HHAT: variants seen among roughly 807,000 people sequenced by gnomAD.
HHAT encodes hedgehog acyltransferase, also known as protein-cysteine N-palmitoyltransferase HHAT.
A neutral mutation model predicts 70.8 loss-of-function variants in HHAT; 47 were observed. That is an observed-to-expected ratio of 0.66 (90% CI 0.53 to 0.85). The LOEUF (loss-of-function observed/expected upper bound fraction) is 0.85. Among genes scored for constraint, HHAT ranks in the 40% least tolerant of loss-of-function variants. The probability of loss-of-function intolerance (pLI) is 0.00; values close to 1 mark genes in which losing one functional copy is unlikely to be tolerated. For synonymous variants in HHAT, 228 were observed against 247.6 expected, an observed-to-expected ratio of 0.92 and a Z score of 0.74; for missense variants, 609 against 604.8, an observed-to-expected ratio of 1.01 and a Z score of -0.07.
intron 7 of HHAT, among the ~76,000 whole-genome samples, chr1:210,440,626 T>C (rs1349368634): frequency 6.6e-6 from 1 of 151,748 alleles, no homozygotes; most frequent in Non-Finnish European, 1.5e-5. Context: ...ATAATAGTGT[T>C]TTGTGGAATT....
intron 8 of HHAT, among the ~76,000 whole-genome samples, chr1:210,502,849 T>C (rs2094784899): frequency 6.6e-6 from 1 of 152,246 alleles, no homozygotes; most frequent in Non-Finnish European, 1.5e-5. Flanking sequence ...ATCATGGTCA[T>C]ATTAAGGCAC....
chr1:210,526,736 C>T (rs2095255223), intron 9 of HHAT, among the ~76,000 whole-genome samples: 1 of 152,118 alleles, frequency 6.6e-6, no homozygotes, highest in Non-Finnish European at 1.5e-5. Flanking sequence ...AGCAGCCTTG[C>T]TGTTTCTAAT....
upstream of HHAT, among the ~76,000 whole-genome samples, chr1:210,327,930 T>C (rs1446658857): frequency 1.3e-5 from 2 of 152,050 alleles, no homozygotes; most frequent in Non-Finnish European, 2.9e-5. Context: ...GGTGAGTGGG[T>C]TGGGGGGAAG....
chr1:210,516,540 A>G (rs2095060170), intron 9 of HHAT, among the ~76,000 whole-genome samples: 1 of 152,150 alleles, frequency 6.6e-6, no homozygotes, highest in Admixed American at 6.5e-5. Context: ...AGTGAGAGGG[A>G]TGGTACTTAA....
chr1:210,634,133 A>G (rs1236378944), intron 11 of HHAT, among the ~76,000 whole-genome samples: 1 of 152,210 alleles, frequency 6.6e-6, no homozygotes, highest in Non-Finnish European at 1.5e-5. Context: ...TCCTGGGGCC[A>G]GGGGCAATGT....
chr1:210,375,007 G>A (rs1359882475), intron 3 of HHAT, among the ~76,000 whole-genome samples: 1 of 152,204 alleles, frequency 6.6e-6, no homozygotes, highest in Non-Finnish European at 1.5e-5. Flanking sequence ...GCTCCCCAGT[G>A]GGGAATCTTC....
At chr1:210,523,139 C>T (rs1369307146) in intron 9 of HHAT, among the ~76,000 whole-genome samples, 3 of 152,108 alleles carry the variant, frequency 2.0e-5, no homozygotes, top group South Asian at 2.1e-4. Context: ...TGCTTCCCCT[C>T]CCTCCTCAGA....
chr1:210,541,737 CAAA>C (rs2095433126), intron 9 of HHAT, among the ~76,000 whole-genome samples: 1 of 151,952 alleles, frequency 6.6e-6, no homozygotes, highest in Non-Finnish European at 1.5e-5. Flanking sequence ...AAAAAACAAA[CAAA>C]AAACAAAACA....
chr1:210,329,158 T>A, intron 1 of HHAT, 54 bp downstream of exon 1: 1 of 1,261,816 alleles, frequency 7.9e-7, no homozygotes, highest in Non-Finnish European at 1.0e-6. Context: ...CTGAATTTTC[T>A]GCGTCAGTTT....
chr1:210,660,517 C>G (rs1194113999), intron 11 of HHAT, among the ~76,000 whole-genome samples: 1 of 152,150 alleles, frequency 6.6e-6, no homozygotes, highest in African/African-American at 2.4e-5. Flanking sequence ...TCAGTGCCAT[C>G]CCCATCAAGG....
intron 3 of HHAT, among the ~76,000 whole-genome samples, chr1:210,363,626 C>G (rs1013933413): frequency 6.6e-6 from 1 of 152,124 alleles, no homozygotes; most frequent in Non-Finnish European, 1.5e-5. Flanking sequence ...TTCTCAGGAC[C>G]CCATTTCAGC....
chr1:210,395,556 A>T (rs1449535171), intron 4 of HHAT, among the ~76,000 whole-genome samples: 2 of 152,180 alleles, frequency 1.3e-5, no homozygotes, highest in Admixed American at 1.3e-4. Flanking sequence ...GTGCCCCATC[A>T]GTTGTTAACT....
chr1:210,592,006 T>C (rs953263610), intron 10 of HHAT, among the ~76,000 whole-genome samples: 1 of 152,152 alleles, frequency 6.6e-6, no homozygotes. Flanking sequence ...GTTGATTGTT[T>C]CCTTTACTGT....
chr1:210,349,443 C>T (rs2086815009), intron 2 of HHAT, among the ~76,000 whole-genome samples: 1 of 152,036 alleles, frequency 6.6e-6, no homozygotes, highest in Admixed American at 6.6e-5. Flanking sequence ...TTTAGTGTTG[C>T]CTTTGTCTGA....
intron 11 of HHAT, among the ~76,000 whole-genome samples, chr1:210,633,978 T>TA (rs750137112): frequency 4.0e-5 from 6 of 151,768 alleles, no homozygotes; most frequent in East Asian, 1.9e-4. Flanking sequence ...TCTCAGGACT[T>TA]AAAAAAAAAT....
At chr1:210,573,459 G>A (rs909077421) in intron 9 of HHAT, among the ~76,000 whole-genome samples, 3 of 152,172 alleles carry the variant, frequency 2.0e-5, no homozygotes, top group Non-Finnish European at 2.9e-5. Flanking sequence ...GCCAACTCTC[G>A]TTGGCCTCCT....
At chr1:210,612,716 C>T (rs1410280117) in intron 10 of HHAT, among the ~76,000 whole-genome samples, 1 of 152,096 alleles carries the variant, frequency 6.6e-6, no homozygotes. Context: ...TTTGAGAAAC[C>T]TATATACCGT....
At chr1:210,594,275 C>G (rs1447908467) in intron 10 of HHAT, among the ~76,000 whole-genome samples, 1 of 152,016 alleles carries the variant, frequency 6.6e-6, no homozygotes, top group Non-Finnish European at 1.5e-5. Context: ...AAGTGATTTT[C>G]TCTGGTGGTG....
At chr1:210,657,509 G>T (rs886822581) in intron 11 of HHAT, among the ~76,000 whole-genome samples, 8 of 152,180 alleles carry the variant, frequency 5.3e-5, no homozygotes, top group African/African-American at 1.7e-4. Context: ...TGAGAGCTCT[G>T]GGAAGAGCTG....
Sources: gnomAD v4.1 joint callset for allele counts (sites outside exome capture counted in the v4.1 genomes callset) on GRCh38, gnomAD v4.1.1 for gene constraint, MANE v1.5 for transcripts, NCBI Gene and HGNC (gene_info 2026-07-23, HGNC 2026-07-21) for gene names.